The following GCNT2 variants were observed in gnomAD, a reference collection of about 807,000 sequenced individuals.
GCNT2 encodes glucosaminyl (N-acetyl) transferase 2 (I blood group).
In GCNT2, 34 loss-of-function variants were observed where a neutral mutation model predicts 34.2. That is an observed-to-expected ratio of 1.00 (90% CI 0.76 to 1.32). The LOEUF is 1.32. Ranked by LOEUF, GCNT2 falls within the 40% of genes most tolerant of loss-of-function variation. The pLI is 0.00. For synonymous variants in GCNT2, 212 were observed against 188.0 expected, an observed-to-expected ratio of 1.13 and a Z score of -1.04; for missense variants, 584 against 489.4, an observed-to-expected ratio of 1.19 and a Z score of -1.82.
chr6:10,586,872 A>G (rs1292096821), intron 3 of GCNT2: 1 of 1,614,006 alleles, frequency 6.2e-7, no homozygotes, highest in Non-Finnish European at 8.5e-7. Flanking sequence ...AGATACCTAT[A>G]GTCCTGATGA....
intron 3 of GCNT2, among the ~76,000 whole-genome samples, chr6:10,535,834 T>G (rs778653314): frequency 6.6e-6 from 1 of 152,024 alleles, no homozygotes; most frequent in Non-Finnish European, 1.5e-5. Context: ...ACCTGGTGGG[T>G]GATTGAGGGC....
At chr6:10,556,168 G>C in intron 3 of GCNT2, 1 of 1,368,732 alleles carries the variant, frequency 7.3e-7, no homozygotes, top group Non-Finnish European at 9.4e-7. Flanking sequence ...GAGGAGGGAA[G>C]GCTGGGCTTC....
chr6:10,573,168 G>T (rs901773591), intron 3 of GCNT2: 14 of 979,090 alleles, frequency 1.4e-5, no homozygotes, highest in Non-Finnish European at 1.7e-5. Context: ...TCTAGATATG[G>T]ATCTCTGGCA....
chr6:10,586,213 A>G (rs751040202), intron 3 of GCNT2: 3 of 1,614,194 alleles, frequency 1.9e-6, no homozygotes, highest in Non-Finnish European at 1.7e-6. Flanking sequence ...GTCCCTTGCA[A>G]GGATTACCTG....
intron 3 of GCNT2, among the ~76,000 whole-genome samples, chr6:10,544,500 G>T (rs537159747): frequency 6.8e-6 from 1 of 146,362 alleles, no homozygotes; most frequent in East Asian, 2.1e-4. Context: ...AGCTACTCGG[G>T]AGGCTGAGGC....
rs1432790991 is a variant in GCNT2 at position 10,627,373 on chromosome 6, G to A, written c.*766G>A. The A allele has an allele frequency of 6.6e-6, 1 of 152,216 alleles. No individual in the cohort carries two copies. Among genetic ancestry groups the A allele is most frequent in the African/African-American group, 2.4e-5 (1 of 41,432 alleles). The allele number at this position is 152,216 out of a possible 1,614,324, so 9.4% of individuals were successfully genotyped here. A position where few individuals can be genotyped will look rare whatever the true frequency, so the allele number is the denominator to read the frequency against. ...GAATGGAGATATGCATTCAAGAGAG[G>A]TGCTATCACATAGATCTAGTCTGAA... On this transcript the variant is annotated 3_prime_UTR_variant, in exon 5 of 5. Transcript: ENST00000495262.
chr6:10,568,639 A>C (rs1763388848), intron 3 of GCNT2, among the ~76,000 whole-genome samples: 1 of 152,214 alleles, frequency 6.6e-6, no homozygotes, highest in African/African-American at 2.4e-5. Flanking sequence ...ATTATTCAGT[A>C]TAGACATCTC....
chr6:10,592,899 C>G (rs751869857), intron 3 of GCNT2, among the ~76,000 whole-genome samples: 21 of 152,068 alleles, frequency 1.4e-4, no homozygotes, highest in Non-Finnish European at 2.8e-4. Context: ...TGCCACCATG[C>G]CCAGCTAATT....
chr6:10,533,444 C>T (rs979349989), intron 3 of GCNT2, among the ~76,000 whole-genome samples: 4 of 151,684 alleles, frequency 2.6e-5, no homozygotes, highest in Non-Finnish European at 5.9e-5. Flanking sequence ...TTAGATTTTC[C>T]AGGAGCCACA....
intron 4 of GCNT2, among the ~76,000 whole-genome samples, chr6:10,624,635 C>T (rs1326542470): frequency 6.6e-6 from 1 of 152,192 alleles, no homozygotes; most frequent in Non-Finnish European, 1.5e-5. Context: ...ACCATTTCAA[C>T]TTGAAAAAGA....
At chr6:10,566,339 C>T (rs921369151) in intron 3 of GCNT2, among the ~76,000 whole-genome samples, 9 of 152,080 alleles carry the variant, frequency 5.9e-5, no homozygotes, top group Admixed American at 2.0e-4. Flanking sequence ...GCTCTGTGAC[C>T]CAGGCTGGAG....
chr6:10,568,527 A>G (rs1349969032), intron 3 of GCNT2, among the ~76,000 whole-genome samples: 1 of 152,100 alleles, frequency 6.6e-6, no homozygotes, highest in Non-Finnish European at 1.5e-5. Flanking sequence ...CCCTCTTCAA[A>G]CCATTCTAAC....
At chr6:10,566,182 C>CT (rs761874338) in intron 3 of GCNT2, among the ~76,000 whole-genome samples, 1,517 of 144,362 alleles carry the variant, frequency 0.011, 13 homozygotes, top group Middle Eastern at 0.034. Context: ...TTGATGTGTG[C>CT]TTTTTTTTTT....
At chr6:10,552,060 G>A (rs568072168) in intron 3 of GCNT2, among the ~76,000 whole-genome samples, 33 of 152,122 alleles carry the variant, frequency 2.2e-4, no homozygotes, top group Non-Finnish European at 4.7e-4. Context: ...CACCTGGCCT[G>A]AGATGAGAAT....
At chr6:10,606,207 C>T (rs576531395) in intron 3 of GCNT2, among the ~76,000 whole-genome samples, 1 of 152,260 alleles carries the variant, frequency 6.6e-6, no homozygotes, top group Admixed American at 6.5e-5. Context: ...CCCGACTACT[C>T]GGGAGGCTGA....
intron 3 of GCNT2, among the ~76,000 whole-genome samples, chr6:10,584,876 A>G (rs1410002928): frequency 1.3e-5 from 2 of 152,192 alleles, no homozygotes; most frequent in African/African-American, 2.4e-5. Flanking sequence ...TAGACACAGT[A>G]ACAATCTGAT....
intron 3 of GCNT2, among the ~76,000 whole-genome samples, chr6:10,537,698 C>CCA (rs1761828476): frequency 1.2e-5 from 1 of 83,228 alleles, no homozygotes; most frequent in Non-Finnish European, 2.2e-5. Flanking sequence ...GATTCTGCCG[C>CCA]AAAAAAAAAA....
chr6:10,592,847 TCTC>T (rs1764709831), intron 3 of GCNT2, among the ~76,000 whole-genome samples: 1 of 152,128 alleles, frequency 6.6e-6, no homozygotes, highest in African/African-American at 2.4e-5. Context: ...TTCAAGCAAT[TCTC>T]CTGCCTCAGC....
At chr6:10,582,165 A>T (rs576283794) in intron 3 of GCNT2, among the ~76,000 whole-genome samples, 103 of 133,358 alleles carry the variant, frequency 7.7e-4, no homozygotes, top group African/African-American at 2.8e-3. Flanking sequence ...TATGTGTATA[A>T]AATATTTTAT....
Sources: gnomAD v4.1 joint callset for allele counts (sites outside exome capture counted in the v4.1 genomes callset) on GRCh38, gnomAD v4.1.1 for gene constraint, MANE v1.5 for transcripts, NCBI Gene and HGNC (gene_info 2026-07-23, HGNC 2026-07-21) for gene names.